Variants in DNAJC1 observed in about 807,000 individuals in gnomAD.
The protein encoded by DNAJC1 is DnaJ heat shock protein family (Hsp40) member C1, also known as dnaJ homolog subfamily C member 1.
Under a neutral mutation model 76.6 loss-of-function variants are expected in DNAJC1, and 58 were observed. That is an observed-to-expected ratio of 0.76 (90% confidence interval 0.61 to 0.94). The LOEUF is 0.94. Among genes scored for constraint, DNAJC1 ranks in the 40% least tolerant of loss-of-function variants. DNAJC1 has a pLI of 0.00. For missense variants in DNAJC1, 689 were observed against 677.3 expected (o/e 1.02, Z -0.19); for synonymous variants, 258 against 267.9 (o/e 0.96, Z 0.36).
intron 8 of DNAJC1, among the ~76,000 whole-genome samples, chr10:21,864,073 G>A (rs1262506937): frequency 6.6e-6 from 1 of 152,038 alleles, no homozygotes; most frequent in Non-Finnish European, 1.5e-5. Context: ...TAGGCATGGT[G>A]CCGTGTGCCT....
chr10:21,919,802 A>C (rs1837011410), intron 5 of DNAJC1, 30 bp downstream of exon 5: 2 of 1,498,188 alleles, frequency 1.3e-6, no homozygotes, highest in Non-Finnish European at 1.8e-6. Flanking sequence ...AAACAGCTTC[A>C]AATTATAAAG....
intron 10 of DNAJC1, among the ~76,000 whole-genome samples, chr10:21,761,837 T>C (rs1397634756): frequency 1.3e-5 from 2 of 152,230 alleles, no homozygotes; most frequent in Non-Finnish European, 2.9e-5. Context: ...AAGTGGCATT[T>C]CATAATCATT....
intron 8 of DNAJC1, among the ~76,000 whole-genome samples, chr10:21,828,632 C>T (rs775817649): frequency 9.2e-5 from 14 of 152,150 alleles, no homozygotes; most frequent in South Asian, 4.1e-4. Flanking sequence ...CCAGCTTCAA[C>T]GATTATTAAT....
chr10:21,879,996 T>C (rs1319876525), intron 8 of DNAJC1, among the ~76,000 whole-genome samples: 18 of 152,242 alleles, frequency 1.2e-4, no homozygotes. Context: ...CCCTGCTAGT[T>C]CCTTTATCAG....
At chr10:21,790,149 A>G (rs370364968) in intron 9 of DNAJC1, among the ~76,000 whole-genome samples, 23 of 151,116 alleles carry the variant, frequency 1.5e-4, no homozygotes, top group Middle Eastern at 3.4e-3. Context: ...AAAGCAAAAA[A>G]TCAAAAAAGT....
At chr10:21,763,290 T>G (rs1286873947) in intron 10 of DNAJC1, among the ~76,000 whole-genome samples, 1 of 152,346 alleles carries the variant, frequency 6.6e-6, no homozygotes, top group East Asian at 1.9e-4. Flanking sequence ...CACTTTCACA[T>G]TCATTGTTAA....
intron 8 of DNAJC1, among the ~76,000 whole-genome samples, chr10:21,850,361 A>T (rs559749369): frequency 1.8e-4 from 27 of 152,238 alleles, no homozygotes; most frequent in Non-Finnish European, 8.8e-5. Context: ...AATTCCATTT[A>T]CAACAGCATG....
Position 21,894,532 on chromosome 10 carries a change from T to A in DNAJC1, c.820+9990A>T, listed in dbSNP as rs138404546. ...ATTGCAGTGAGCCAAGATTGCACGATTGCACTCCAGCCTGGGCAACAAGAG... is the reference window on the plus strand; with the variant it reads ...ATTGCAGTGAGCCAAGATTGCACGAATGCACTCCAGCCTGGGCAACAAGAG... On this transcript the variant is annotated intron_variant, in intron 7 of 11. Coordinates refer to ENST00000376980, the MANE Select transcript of DNAJC1 (RefSeq NM_022365.4). Among the ~76,000 whole-genome samples, 561 of 150,026 alleles carry A rather than the reference T, an allele frequency of 3.7e-3. 2 individuals carry two copies. Among genetic ancestry groups the A allele is most frequent in the Non-Finnish European group, 6.1e-3 (408 of 67,220 alleles).
At chr10:21,971,072 C>T (rs979010358) in intron 1 of DNAJC1, among the ~76,000 whole-genome samples, 4 of 151,648 alleles carry the variant, frequency 2.6e-5, no homozygotes, top group African/African-American at 4.8e-5. Context: ...GGTTTCTAAA[C>T]TTTTATACCA....
chr10:21,758,623 C>T (rs1391832834), intron 11 of DNAJC1, among the ~76,000 whole-genome samples: 1 of 152,258 alleles, frequency 6.6e-6, no homozygotes, highest in Non-Finnish European at 1.5e-5. Context: ...GGCCTCAGGG[C>T]CTCTGGACAG....
chr10:21,962,074 A>G (rs182288070), intron 1 of DNAJC1, among the ~76,000 whole-genome samples: 54 of 152,026 alleles, frequency 3.6e-4, no homozygotes, highest in African/African-American at 1.2e-3. Context: ...CTTATCTAAA[A>G]CTGCAGTCTC....
chr10:21,951,140 T>G (rs1300504991), intron 1 of DNAJC1, among the ~76,000 whole-genome samples: 1 of 152,136 alleles, frequency 6.6e-6, no homozygotes, highest in South Asian at 2.1e-4. Context: ...ACCAACATGG[T>G]GAAACCACGT....
intron 8 of DNAJC1, among the ~76,000 whole-genome samples, chr10:21,813,216 CTCTCTATATATA>C (rs1835011977): frequency 8.4e-5 from 3 of 35,534 alleles, no homozygotes; most frequent in Admixed American, 3.2e-4. Flanking sequence ...CTCTCTCTCT[CTCTCTATATATA>C]TATATATATA....
At chr10:21,858,859 C>T (rs1835880979) in intron 8 of DNAJC1, among the ~76,000 whole-genome samples, 1 of 152,000 alleles carries the variant, frequency 6.6e-6, no homozygotes, top group East Asian at 1.9e-4. Context: ...TTTTGGCTTA[C>T]CTGATGAAAT....
intron 8 of DNAJC1, among the ~76,000 whole-genome samples, chr10:21,856,471 A>T (rs1304105674): frequency 1.3e-5 from 2 of 152,184 alleles, no homozygotes; most frequent in African/African-American, 4.8e-5. Flanking sequence ...GTAATCTACT[A>T]CTATGCATCT....
chr10:21,842,100 G>C (rs1178237399), intron 8 of DNAJC1, among the ~76,000 whole-genome samples: 1 of 114,138 alleles, frequency 8.8e-6, no homozygotes, highest in Non-Finnish European at 1.7e-5. Context: ...ACTGTTGTGG[G>C]GTGGGGGGAG....
At chr10:21,958,344 T>C (rs1837726984) in intron 1 of DNAJC1, among the ~76,000 whole-genome samples, 2 of 152,202 alleles carry the variant, frequency 1.3e-5, no homozygotes, top group African/African-American at 4.8e-5. Flanking sequence ...AGTACATTTA[T>C]ATAGTTCTGC....
intron 1 of DNAJC1, among the ~76,000 whole-genome samples, chr10:21,935,379 G>A (rs1311141856): frequency 4.6e-5 from 7 of 152,020 alleles, no homozygotes; most frequent in Admixed American, 2.0e-4. Context: ...GCAGGCTTGA[G>A]TAGGCAGAAG....
chr10:21,832,603 T>C (rs1202340604), intron 8 of DNAJC1, among the ~76,000 whole-genome samples: 1 of 152,208 alleles, frequency 6.6e-6, no homozygotes, highest in Admixed American at 6.5e-5. Context: ...TCCAATCAAC[T>C]GATTTCTTGA....
Sources: allele counts gnomAD v4.1 joint callset (sites outside exome capture counted in the v4.1 genomes callset), GRCh38; gene constraint gnomAD v4.1.1; transcripts MANE v1.5; gene names NCBI Gene and HGNC (gene_info 2026-07-23, HGNC 2026-07-21).